SCGB2B2: variants seen among roughly 807,000 people sequenced by gnomAD.
The protein encoded by SCGB2B2 is secretoglobin family 2B member 2, also known as secretoglobin-like protein.
Under a neutral mutation model 7.6 loss-of-function variants are expected in SCGB2B2, and 11 were observed. That is an observed-to-expected ratio of 1.45 (90% CI 0.91 to 2.40). SCGB2B2 has a LOEUF of 2.40. Ranked by LOEUF, SCGB2B2 falls within the 30% of genes most tolerant of loss-of-function variation. SCGB2B2 has a pLI of 0.00. For synonymous variants in SCGB2B2, 50 were observed against 48.6 expected (o/e 1.03, Z -0.12); for missense variants, 104 against 115.4 (o/e 0.90, Z 0.45).
intron 1 of SCGB2B2, among the ~76,000 whole-genome samples, chr19:34,628,136 A>C (rs942450044): frequency 6.6e-6 from 1 of 152,216 alleles, no homozygotes; most frequent in Non-Finnish European, 1.5e-5. Flanking sequence ...GTAGAGGGAA[A>C]TTTATAGCAC....
At chr19:34,642,923 G>A (rs536718414) in intron 1 of SCGB2B2, among the ~76,000 whole-genome samples, 7 of 152,228 alleles carry the variant, frequency 4.6e-5, no homozygotes, top group Non-Finnish European at 8.8e-5. Flanking sequence ...CGCTAGTGAG[G>A]ATATGGAGAA....
At chr19:34,639,189 G>A (rs556289075) in intron 1 of SCGB2B2, among the ~76,000 whole-genome samples, 2 of 152,308 alleles carry the variant, frequency 1.3e-5, no homozygotes, top group South Asian at 4.1e-4. Context: ...AAAAACTTGA[G>A]TAATCCTTGG....
At chr19:34,657,588 C>A (rs1375562210) in intron 1 of SCGB2B2, among the ~76,000 whole-genome samples, 3 of 152,146 alleles carry the variant, frequency 2.0e-5, no homozygotes, top group Non-Finnish European at 4.4e-5. Flanking sequence ...CAGGAGCACC[C>A]AGACTCATAA....
intron 1 of SCGB2B2, among the ~76,000 whole-genome samples, chr19:34,662,996 C>T (rs1319725098): frequency 6.6e-6 from 1 of 152,132 alleles, no homozygotes; most frequent in Non-Finnish European, 1.5e-5. Flanking sequence ...AAGCCTTCTA[C>T]TCACATTTCA....
At chr19:34,594,045 G>T (rs544750615) in intron 3 of SCGB2B2, 130 bp downstream of exon 3, 3 of 743,216 alleles carry the variant, frequency 4.0e-6, no homozygotes, top group South Asian at 1.8e-5. Flanking sequence ...AACTTCATCT[G>T]ATTTTGCGCA....
At chr19:34,630,168 A>T (rs954190651) in intron 1 of SCGB2B2, among the ~76,000 whole-genome samples, 2 of 151,908 alleles carry the variant, frequency 1.3e-5, no homozygotes, top group African/African-American at 4.8e-5. Flanking sequence ...CCCTAGAAGA[A>T]AACCTAGGCA....
rs2066205662 is a variant in SCGB2B2 at position 34,620,374 on chromosome 19, T to C, written c.-2031-23780A>G. 2.0e-5 allele frequency among the ~76,000 whole-genome samples: 3 copies of C among 152,076 alleles called. No homozygotes were observed. In the South Asian group the frequency reaches 6.2e-4, roughly 32 times the overall value. Reference sequence around the variant, plus strand: ...TAAAAAAGGATGAGTTCATGTCCTTTGTAGGGACATGGATGAAGCTGGAAA... The same window carrying C: ...TAAAAAAGGATGAGTTCATGTCCTTCGTAGGGACATGGATGAAGCTGGAAA... On this transcript the variant is annotated intron_variant, in intron 1 of 3. Coordinates refer to ENST00000601241, the MANE Select transcript of SCGB2B2 (RefSeq NM_001025591.4).
intron 1 of SCGB2B2, among the ~76,000 whole-genome samples, chr19:34,660,528 G>A (rs1461853870): frequency 6.6e-6 from 1 of 152,184 alleles, no homozygotes; most frequent in Non-Finnish European, 1.5e-5. Context: ...ACAGATATAT[G>A]AAAAAATGCT....
intron 1 of SCGB2B2, among the ~76,000 whole-genome samples, chr19:34,666,791 G>A (rs1024670638): frequency 2.0e-4 from 30 of 152,212 alleles, no homozygotes; most frequent in Admixed American, 1.6e-3. Flanking sequence ...GCTGTTGCTC[G>A]TGGGTAGGCC....
At chr19:34,615,198 G>A (rs1042871880) in intron 1 of SCGB2B2, among the ~76,000 whole-genome samples, 2 of 152,160 alleles carry the variant, frequency 1.3e-5, no homozygotes, top group African/African-American at 4.8e-5. Flanking sequence ...GGGCCACAGG[G>A]AGCAGGACAC....
Position 34,593,083 on chromosome 19 carries a change from AG to A in SCGB2B2, c.*471del, listed in dbSNP as rs1448896120. 6.6e-6 allele frequency among the ~76,000 whole-genome samples: 1 copy of A among 152,082 alleles called. No individual in the cohort carries two copies. Among genetic ancestry groups the A allele is most frequent in the Non-Finnish European group, 1.5e-5 (1 of 68,006 alleles). On this transcript the variant is annotated 3_prime_UTR_variant, in exon 4 of 4. Coordinates refer to ENST00000601241, the MANE Select transcript of SCGB2B2 (RefSeq NM_001025591.4). ...CATGCCTCTAACCCTAGCACGTTGG[AG>A]GTTGAGGTAGGTGGATCATTTGCGG...
At chr19:34,587,143 G>T (rs1253729991), downstream of SCGB2B2, among the ~76,000 whole-genome samples, 1 of 152,066 alleles carries the variant, frequency 6.6e-6, no homozygotes, top group East Asian at 1.9e-4. Context: ...CGTGACCTCA[G>T]ATGATCCACC....
At chr19:34,641,585 G>A (rs796959164) in intron 1 of SCGB2B2, among the ~76,000 whole-genome samples, 2 of 152,294 alleles carry the variant, frequency 1.3e-5, no homozygotes. Flanking sequence ...GGTCAAGGTC[G>A]TTTGCCAGAT....
At chr19:34,634,391 A>C (rs2066617956) in intron 1 of SCGB2B2, among the ~76,000 whole-genome samples, 1 of 152,154 alleles carries the variant, frequency 6.6e-6, no homozygotes, top group Non-Finnish European at 1.5e-5. Flanking sequence ...CTTCTCCCAC[A>C]GGTACTGGCA....
At chr19:34,620,145 A>G (rs2066199016) in intron 1 of SCGB2B2, among the ~76,000 whole-genome samples, 1 of 152,174 alleles carries the variant, frequency 6.6e-6, no homozygotes, top group South Asian at 2.1e-4. Context: ...TGTTCTCAAT[A>G]TAATAATCTT....
intron 1 of SCGB2B2, among the ~76,000 whole-genome samples, chr19:34,600,707 T>C (rs1456587216): frequency 6.6e-6 from 1 of 152,204 alleles, no homozygotes; most frequent in African/African-American, 2.4e-5. Flanking sequence ...CATTTATATA[T>C]TGCATGTTCT....
intron 1 of SCGB2B2, chr19:34,646,560 C>T (rs2067017954): frequency 6.6e-6 from 1 of 152,388 alleles, no homozygotes; most frequent in Non-Finnish European, 1.5e-5. Flanking sequence ...GCTCCTCTGA[C>T]CTCTGGGACT....
intron 1 of SCGB2B2, among the ~76,000 whole-genome samples, chr19:34,599,843 T>A (rs1403364548): frequency 6.6e-6 from 1 of 151,964 alleles, no homozygotes; most frequent in Non-Finnish European, 1.5e-5. Flanking sequence ...CTTTCCCTCC[T>A]CCCCTGACCT....
intron 1 of SCGB2B2, among the ~76,000 whole-genome samples, chr19:34,671,871 A>G (rs2067811715): frequency 2.0e-5 from 3 of 152,230 alleles, no homozygotes; most frequent in Middle Eastern, 3.4e-3. Context: ...GATTTTCTCC[A>G]TTAATATTTA....
Sources: gnomAD v4.1 joint callset for allele counts (sites outside exome capture counted in the v4.1 genomes callset) on GRCh38, gnomAD v4.1.1 for gene constraint, MANE v1.5 for transcripts, NCBI Gene and HGNC (gene_info 2026-07-23, HGNC 2026-07-21) for gene names.